The following LRRC9 variants were observed in gnomAD, a reference collection of about 807,000 sequenced individuals.
The protein encoded by LRRC9 is leucine rich repeat containing 9.
LRRC9 carries 122 observed loss-of-function variants against 63.2 expected under a neutral mutation model. The ratio of observed to expected loss-of-function variants is 1.93; its 90% CI spans 1.67 to 2.24. The LOEUF is 2.24. Ranked by LOEUF, LRRC9 falls within the 30% of genes most tolerant of loss-of-function variation. The pLI is 0.00. For synonymous variants in LRRC9, 366 were observed against 213.1 expected (o/e 1.72, Z -6.25); for missense variants, 1,071 against 627.7 (o/e 1.71, Z -7.55).
intron 19 of LRRC9, among the ~76,000 whole-genome samples, chr14:59,999,640 T>G (rs1889154065): frequency 6.6e-6 from 1 of 152,092 alleles, no homozygotes; most frequent in Non-Finnish European, 1.5e-5. Flanking sequence ...CAAAATCCAT[T>G]AACATGGAAG....
At chr14:60,028,176 C>T (rs1373166460) in intron 28 of LRRC9, 75 bp downstream of exon 28, 1 of 624,870 alleles carries the variant, frequency 1.6e-6, no homozygotes, top group Non-Finnish European at 2.8e-6. Flanking sequence ...AGCTTCCAAA[C>T]ACATCAATGA....
intron 12 of LRRC9, among the ~76,000 whole-genome samples, chr14:59,968,310 A>T (rs1885072716): frequency 6.6e-6 from 1 of 152,164 alleles, no homozygotes; most frequent in South Asian, 2.1e-4. Flanking sequence ...ATGGGTACAG[A>T]GTTTCAGTCT....
intron 17 of LRRC9, among the ~76,000 whole-genome samples, chr14:59,994,974 G>A (rs1022915179): frequency 1.3e-4 from 19 of 150,700 alleles, no homozygotes; most frequent in South Asian, 4.2e-4. Flanking sequence ...AAACCTGCAC[G>A]TTGCGCACAT....
chr14:59,981,786 T>A, intron 15 of LRRC9, 62 bp from the exon 16 acceptor site: 1 of 642,946 alleles, frequency 1.6e-6, no homozygotes, highest in Non-Finnish European at 2.8e-6. Context: ...ACATAGCTTG[T>A]TTGTTTTTCA....
At chr14:60,018,177 G>T (rs1219769375) in intron 24 of LRRC9, among the ~76,000 whole-genome samples, 194 bp from the exon 25 acceptor site, 1 of 151,686 alleles carries the variant, frequency 6.6e-6, no homozygotes, top group Non-Finnish European at 1.5e-5. Context: ...TCACTTTCTT[G>T]CATATGTACC....
intron 30 of LRRC9, among the ~76,000 whole-genome samples, chr14:60,054,844 C>T (rs1271676367): frequency 6.6e-6 from 1 of 152,006 alleles, no homozygotes; most frequent in Non-Finnish European, 1.5e-5. Context: ...TCACTGTAAC[C>T]TCTGCCTCCT....
chr14:59,999,218 A>G, exon 19 of LRRC9: 1 of 700,138 alleles, frequency 1.4e-6, no homozygotes, highest in Non-Finnish European at 2.6e-6. Flanking sequence ...AGGAACAAGG[A>G]TTACTCAGGT....
At chr14:59,993,116 GA>G (rs1888344615) in intron 17 of LRRC9, among the ~76,000 whole-genome samples, 1 of 152,214 alleles carries the variant, frequency 6.6e-6, no homozygotes, top group Non-Finnish European at 1.5e-5. Flanking sequence ...TCTCTCGGCA[GA>G]AACTCTACAA....
chr14:60,016,798 CATTTT>C lies in LRRC9; in HGVS notation c.3317+12_3317+16del, dbSNP rs1447682635. 1.5e-6 allele frequency: 1 copy of C among 673,858 alleles called. No individual in the cohort carries two copies. The allele number at this position is 673,858 out of a possible 1,614,324, so 41.7% of individuals were successfully genotyped here. On this transcript the variant is annotated intron_variant, in intron 24 of 31. Transcript: ENST00000445360. ...GACTTCATCATCTATTAGGTACAAT[CATTTT>C]ATTATATGCCTTTTTACATTATAAT... is the stretch of plus-strand genomic sequence containing the variant.
At chr14:60,023,175 T>C (rs1043856425) in intron 27 of LRRC9, among the ~76,000 whole-genome samples, 2 of 151,890 alleles carry the variant, frequency 1.3e-5, no homozygotes, top group Admixed American at 1.3e-4. Flanking sequence ...AAACCCAGAA[T>C]TGTGGTAAGT....
chr14:60,050,714 A>G (rs954200355), intron 29 of LRRC9, among the ~76,000 whole-genome samples: 5 of 152,028 alleles, frequency 3.3e-5, no homozygotes, highest in Non-Finnish European at 7.4e-5. Context: ...GGGCTTATCT[A>G]CCTTCAATCT....
Position 59,986,165 on chromosome 14 carries a change from G to A in LRRC9, c.2211+941G>A, listed in dbSNP as rs914957773. 3.9e-5 allele frequency among the ~76,000 whole-genome samples: 6 copies of A among 152,066 alleles called. No homozygotes were observed. The highest frequency in any genetic ancestry group is 3.9e-4 in the East Asian group (2 of 5,186). ...TCTTGTATATCATAGGACAATACAGGAATGCACATGTACACATAGGCATGG... is the reference window on the plus strand; with the variant it reads ...TCTTGTATATCATAGGACAATACAGAAATGCACATGTACACATAGGCATGG... On this transcript the variant is annotated intron_variant, in intron 17 of 31. Coordinates refer to ENST00000445360, the Ensembl canonical transcript of LRRC9. This position sits in a 1 kb window ranked among gnomAD's most constrained non-coding sequence, Gnocchi z 4.7.
chr14:60,056,893 G>T (rs1423029799), intron 30 of LRRC9, among the ~76,000 whole-genome samples: 2 of 152,134 alleles, frequency 1.3e-5, no homozygotes, highest in Non-Finnish European at 2.9e-5. Flanking sequence ...AAATAAGGAG[G>T]AAATAAATGA....
Position 60,031,934 on chromosome 14 carries a change from G to A in LRRC9, c.3922-61G>A, listed in dbSNP as rs751923104. ...ACTTACATATAATTACTTCAAATTAGTCTATATTTTAAGATGTTGAGTCTA... is the reference window on the plus strand; with the variant it reads ...ACTTACATATAATTACTTCAAATTAATCTATATTTTAAGATGTTGAGTCTA... On this transcript the variant is annotated intron_variant, in intron 28 of 31. Transcript: ENST00000445360. The surrounding 1 kb of genome is among the most constrained non-coding windows in gnomAD (Gnocchi z 4.6). 1 of 679,406 alleles carries A rather than the reference G, an allele frequency of 1.5e-6. No individual in the cohort carries two copies. The highest frequency in any genetic ancestry group is 2.7e-5 in the East Asian group (1 of 36,996). 42.1% of individuals were successfully genotyped at this position (679,406 alleles called of 1,614,324 possible).
At chr14:60,066,677 G>GGC (rs1894889587), downstream of LRRC9, among the ~76,000 whole-genome samples, 1 of 152,162 alleles carries the variant, frequency 6.6e-6, no homozygotes, top group Non-Finnish European at 1.5e-5. Context: ...TTGCCTTTTA[G>GGC]AACTAGGTCA....
chr14:60,020,714 T>C (rs960382468), intron 26 of LRRC9, among the ~76,000 whole-genome samples: 2 of 151,992 alleles, frequency 1.3e-5, no homozygotes, highest in Non-Finnish European at 2.9e-5. Context: ...TAAATGGAAC[T>C]ATAAAATAGA....
intron 28 of LRRC9, 112 bp downstream of exon 28, chr14:60,028,213 C>A (rs1330492498): frequency 6.8e-6 from 4 of 590,448 alleles, no homozygotes; most frequent in Non-Finnish European, 1.2e-5. Context: ...TTATTTATCA[C>A]CTATATACCA....
intron 1 of LRRC9, among the ~76,000 whole-genome samples, chr14:59,925,112 G>C (rs1391567694): frequency 2.0e-5 from 3 of 152,016 alleles, no homozygotes; most frequent in Admixed American, 1.3e-4. Context: ...TATTAACAAA[G>C]AGTCAATGAA....
chr14:59,937,860 A>G (rs1456605346), intron 6 of LRRC9, among the ~76,000 whole-genome samples: 1 of 152,128 alleles, frequency 6.6e-6, no homozygotes, highest in East Asian at 1.9e-4. Context: ...ATAATAGGTA[A>G]AACAGGTGTT....
Sources: allele counts gnomAD v4.1 joint callset (sites outside exome capture counted in the v4.1 genomes callset), GRCh38; gene constraint gnomAD v4.1.1; non-coding constraint Gnocchi (gnomAD v3.1); transcripts MANE v1.5; gene names NCBI Gene and HGNC (gene_info 2026-07-23, HGNC 2026-07-21).